TBXAS1: variants seen among roughly 807,000 people sequenced by gnomAD.
TBXAS1 encodes thromboxane A synthase 1, also known as thromboxane-A synthase.
In TBXAS1, 48 loss-of-function variants were observed where a neutral mutation model predicts 60.7. The observed-to-expected ratio is 0.79, with a 90% CI of 0.63 to 1.01. TBXAS1 has a LOEUF of 1.01. Ranked by LOEUF, TBXAS1 falls within the 50% of genes least tolerant of loss-of-function variation. TBXAS1 has a pLI of 0.00. For missense variants in TBXAS1, 685 were observed against 686.3 expected (o/e 1.00, Z 0.02); for synonymous variants, 287 against 269.7 (o/e 1.06, Z -0.63).
At chr7:139,814,850 C>T (rs1798107599) in intron 4 of TBXAS1, among the ~76,000 whole-genome samples, 1 of 152,204 alleles carries the variant, frequency 6.6e-6, no homozygotes, top group Non-Finnish European at 1.5e-5. Flanking sequence ...ACAGCTTCTG[C>T]ATCCTTGGTC....
intron 8 of TBXAS1, among the ~76,000 whole-genome samples, chr7:139,958,586 G>C (rs560371217): frequency 6.6e-6 from 1 of 152,360 alleles, no homozygotes; most frequent in East Asian, 1.9e-4. Flanking sequence ...TCAAAGACTG[G>C]ATGGCTCAGA....
chr7:139,930,694 C>T (rs1352850358), intron 4 of TBXAS1, among the ~76,000 whole-genome samples: 1 of 152,162 alleles, frequency 6.6e-6, no homozygotes, highest in African/African-American at 2.4e-5. Flanking sequence ...GGGGAACTGG[C>T]CAGCACATAC....
chr7:140,006,379 G>A (rs1814079313), intron 9 of TBXAS1, among the ~76,000 whole-genome samples: 1 of 152,188 alleles, frequency 6.6e-6, no homozygotes, highest in Non-Finnish European at 1.5e-5. Flanking sequence ...TCACCCGGGG[G>A]TGTTAGGATC....
intron 8 of TBXAS1, among the ~76,000 whole-genome samples, chr7:139,961,394 A>G (rs1433766035): frequency 2.0e-5 from 3 of 152,230 alleles, no homozygotes; most frequent in Non-Finnish European, 2.9e-5. Context: ...TATTGTTGGA[A>G]AACCAACCAC....
intron 9 of TBXAS1, among the ~76,000 whole-genome samples, chr7:139,996,389 C>G (rs1315854166): frequency 6.7e-6 from 1 of 150,204 alleles, no homozygotes; most frequent in Non-Finnish European, 1.5e-5. Flanking sequence ...AGGTTCAATG[C>G]TTGGCTCTGT....
At chr7:139,825,739 T>C (rs773690395), upstream of TBXAS1, among the ~76,000 whole-genome samples, 1 of 152,212 alleles carries the variant, frequency 6.6e-6, no homozygotes, top group African/African-American at 2.4e-5. Context: ...ACTTTCCCTT[T>C]CTGGGTTTCT....
At chr7:139,903,871 G>A (rs971116603) in intron 3 of TBXAS1, among the ~76,000 whole-genome samples, 1 of 151,892 alleles carries the variant, frequency 6.6e-6, no homozygotes, top group Non-Finnish European at 1.5e-5. Flanking sequence ...CAGATATATA[G>A]ATTGTGAAGA....
chr7:139,827,611 ATG>A (rs1162476059), upstream of TBXAS1, among the ~76,000 whole-genome samples: 1 of 152,052 alleles, frequency 6.6e-6, no homozygotes, highest in East Asian at 1.9e-4. Flanking sequence ...TTCTGTTTTG[ATG>A]TGTTTCCAGG....
At chr7:139,859,788 T>C (rs769173365) in intron 1 of TBXAS1, among the ~76,000 whole-genome samples, 10 of 152,178 alleles carry the variant, frequency 6.6e-5, no homozygotes, top group Non-Finnish European at 1.2e-4. Flanking sequence ...ACTCTCTGAA[T>C]TACAATAACC....
chr7:139,784,716 C>T (rs1797130976), intron 3 of TBXAS1, among the ~76,000 whole-genome samples: 1 of 152,158 alleles, frequency 6.6e-6, no homozygotes, highest in African/African-American at 2.4e-5. Context: ...ATTCTGAATG[C>T]ACCAGATGTG....
intron 1 of TBXAS1, among the ~76,000 whole-genome samples, chr7:139,866,249 C>T (rs952311659): frequency 3.3e-5 from 5 of 152,052 alleles, no homozygotes; most frequent in South Asian, 2.1e-4. Context: ...AAAACCTCTG[C>T]GCAGAAATGC....
chr7:139,830,219 T>C (rs982259657), intron 1 of TBXAS1, among the ~76,000 whole-genome samples: 40 of 152,266 alleles, frequency 2.6e-4, no homozygotes, highest in African/African-American at 9.4e-4. Flanking sequence ...GAGTTACCCA[T>C]TCAATCAAAA....
chr7:139,976,119 C>G (rs987771516), intron 9 of TBXAS1, among the ~76,000 whole-genome samples: 18 of 152,158 alleles, frequency 1.2e-4, no homozygotes, highest in Admixed American at 6.5e-5. Context: ...GGAAATGCAC[C>G]TGAGACATTG....
chr7:139,981,274 C>T (rs972539387), intron 9 of TBXAS1, among the ~76,000 whole-genome samples: 6 of 152,122 alleles, frequency 3.9e-5, no homozygotes, highest in Admixed American at 1.3e-4. Context: ...ATGCCCCATG[C>T]CCGGCTAATT....
chr7:140,004,564 G>C lies in TBXAS1; in HGVS notation c.1135-2527G>C, dbSNP rs576853922. ...AAGATTGGAAGCAGGAAGACAAGTT[G>C]CCTCCAGGTTTGCCCAACGGGGATG... On this transcript the variant is annotated intron_variant, in intron 9 of 12. Transcript: ENST00000448866. The surrounding 1 kb of genome is among the most constrained non-coding windows in gnomAD (Gnocchi z 5.1). Among the ~76,000 whole-genome samples, 6 of 152,328 alleles carry C rather than the reference G, an allele frequency of 3.9e-5. No individual in the cohort carries two copies. The highest frequency in any genetic ancestry group is 1.4e-4 in the African/African-American group (6 of 41,582).
intron 4 of TBXAS1, among the ~76,000 whole-genome samples, chr7:139,932,346 G>A (rs1807403881): frequency 6.6e-6 from 1 of 152,060 alleles, no homozygotes; most frequent in African/African-American, 2.4e-5. Context: ...AAACCCCTCT[G>A]CATGCTCAAG....
At position 139,927,939 on chromosome 7, in the gene TBXAS1, G is replaced by T. The variant is rs76058353; in HGVS notation, c.334-8252G>T. On this transcript the variant is annotated intron_variant, in intron 4 of 12. Transcript: ENST00000448866. ...CAAATTTTCTATGTTAGACAATCATGCCATCTACAAATAAATAGAGTTTTA... is the reference window on the plus strand; with the variant it reads ...CAAATTTTCTATGTTAGACAATCATTCCATCTACAAATAAATAGAGTTTTA... Among the ~76,000 whole-genome samples, 681 of 152,160 alleles carry T rather than the reference G, an allele frequency of 4.5e-3. 5 individuals are homozygous for T. Among genetic ancestry groups the T allele is most frequent in the African/African-American group, 0.015 (639 of 41,518 alleles).
intron 1 of TBXAS1, among the ~76,000 whole-genome samples, chr7:139,867,194 T>A (rs1339472380): frequency 3.3e-5 from 5 of 151,184 alleles, no homozygotes; most frequent in African/African-American, 1.2e-4. Flanking sequence ...GCATCACAAG[T>A]TTTTACCCCT....
intron 1 of TBXAS1, among the ~76,000 whole-genome samples, chr7:139,837,233 A>G (rs1457093097): frequency 4.6e-5 from 7 of 152,250 alleles, no homozygotes; most frequent in Non-Finnish European, 8.8e-5. Flanking sequence ...TACAGCCACT[A>G]TGGAAAACAG....
Sources: gnomAD v4.1 joint callset for allele counts (sites outside exome capture counted in the v4.1 genomes callset) on GRCh38, gnomAD v4.1.1 for gene constraint, Gnocchi (gnomAD v3.1) non-coding constraint, MANE v1.5 for transcripts, NCBI Gene and HGNC (gene_info 2026-07-23, HGNC 2026-07-21) for gene names.